Variants in KDELR1 observed in about 807,000 individuals in gnomAD.
KDELR1 encodes ER lumen protein-retaining receptor 1.
KDELR1 carries 16 observed loss-of-function variants against 25.5 expected under a neutral mutation model. The ratio of observed to expected loss-of-function variants is 0.63; its 90% CI spans 0.43 to 0.95. The LOEUF is 0.95. Ranked by LOEUF, KDELR1 falls within the 40% of genes least tolerant of loss-of-function variation. KDELR1 has a pLI of 0.00. For missense variants in KDELR1, 159 were observed against 265.2 expected, an observed-to-expected ratio of 0.60 and a Z score of 2.78; for synonymous variants, 121 against 115.0, an observed-to-expected ratio of 1.05 and a Z score of -0.33.
At chr19:48,396,611 AAGG>A in the KDELR1 span, among the ~76,000 whole-genome samples, 1 of 151,868 alleles carries the variant, frequency 6.6e-6, no homozygotes, top group Admixed American at 6.6e-5. Context: ...GGGCAATGGA[AAGG>A]AGGAGCGAAG....
intron 4 of KDELR1, among the ~76,000 whole-genome samples, chr19:48,383,836 C>G (rs1263239019): frequency 6.6e-6 from 1 of 152,090 alleles, no homozygotes; most frequent in Non-Finnish European, 1.5e-5. Flanking sequence ...TTCACCATCT[C>G]CCCCACCAGA....
Position 48,390,442 on chromosome 19 carries a change from G to C in KDELR1, c.174C>G (p.Leu58=), listed in dbSNP as rs745706110. 4.3e-6 allele frequency: 7 copies of C among 1,613,614 alleles called. No homozygotes were observed. Among genetic ancestry groups the C allele is most frequent in the Non-Finnish European group, 5.9e-6 (7 of 1,179,586 alleles). The part of the protein sequence containing the change: ...YLDLFTNYIS[L]YNTCMKVVYI... ...CCTCTACCTTCATACACGTGTTGTA[G>C]AGTGAGATGTAGTTGGTGAAGAGGT... is the stretch of plus-strand genomic sequence containing the variant. The change falls in exon 2 of 5, where the codon CTC becomes CTG. Residue 58 remains leucine (L), a synonymous_variant. Transcript: ENST00000330720.
In KDELR1 at chr19:48,390,803, C is replaced by T. The variant is rs2147424967; in HGVS notation, c.92-279G>A. On this transcript the variant is annotated intron_variant, in intron 1 of 4. Coordinates refer to ENST00000330720, the MANE Select transcript of KDELR1 (RefSeq NM_006801.3). Reference sequence around the variant, plus strand: ...AAGCTACTCCAGCCCGAGGCTCCGTCCCAGACTAGGCCTCATGGCTACCCC... The same window carrying T: ...AAGCTACTCCAGCCCGAGGCTCCGTTCCAGACTAGGCCTCATGGCTACCCC... The T allele has an allele frequency of 8.4e-6, 4 of 478,552 alleles. No individual in the cohort carries two copies. In the East Asian group the frequency reaches 1.6e-4, roughly 19 times the overall value. The allele number at this position is 478,552 out of a possible 1,614,324, so 29.6% of individuals were successfully genotyped here.
chr19:48,395,809 C>T (rs1243207516), upstream of KDELR1, among the ~76,000 whole-genome samples: 1 of 152,072 alleles, frequency 6.6e-6, no homozygotes, highest in Non-Finnish European at 1.5e-5. Flanking sequence ...AGGACAGGAG[C>T]CGGAACCCGG....
At position 48,382,715 on chromosome 19, in the gene KDELR1, A is replaced by T. The variant is rs927745942; in HGVS notation, c.*578T>A. ...CCGGGCCCCCCTAATTTGCCAAAAA[A>T]CCAGGAGAAGACCAAAAAATTCAAA... On this transcript the variant is annotated 3_prime_UTR_variant, in exon 5 of 5. Transcript: ENST00000330720. 3 of 153,198 alleles carry T rather than the reference A, an allele frequency of 2.0e-5. No individual in the cohort carries two copies. The highest frequency in any genetic ancestry group is 7.2e-5 in the African/African-American group (3 of 41,438). The allele number at this position is 153,198 out of a possible 1,614,324, so 9.5% of individuals were successfully genotyped here.
chr19:48,382,985 A>AGTGT lies in KDELR1; in HGVS notation c.*307_*308insACAC. The AGTGT allele has an allele frequency of 2.4e-6, 1 of 408,294 alleles. No homozygotes were observed. Among genetic ancestry groups the AGTGT allele is most frequent in the Non-Finnish European group, 4.5e-6 (1 of 223,816 alleles). The allele number at this position is 408,294 out of a possible 1,614,324, so 25.3% of individuals were successfully genotyped here. On this transcript the variant is annotated 3_prime_UTR_variant, in exon 5 of 5. Transcript: ENST00000330720. ...TGGACCCTGCCCCGGCCCATAGGAC[A>AGTGT]CTCAAAAACACTTTATAAAAATTGG...
intron 2 of KDELR1, chr19:48,390,059 ATCCAGGAGTCCAGG>A (rs1970531580): frequency 8.7e-5 from 24 of 276,582 alleles, no homozygotes; most frequent in Admixed American, 2.8e-4. Flanking sequence ...CCTCCCTCAG[ATCCAGGAGTCCAGG>A]CCCAGCCCCT....
intron 3 of KDELR1, among the ~76,000 whole-genome samples, chr19:48,386,271 C>T (rs1243657731): frequency 3.3e-5 from 5 of 151,824 alleles, no homozygotes; most frequent in African/African-American, 7.3e-5. Context: ...CTCACCACCA[C>T]GCCCTGCTAA....
In KDELR1 at chr19:48,389,603, G is replaced by A; in HGVS notation, c.301C>T (p.Pro101Ser). The A allele has an allele frequency of 1.2e-6, 2 of 1,614,136 alleles. No individual in the cohort carries two copies. Among genetic ancestry groups the A allele is most frequent in the South Asian group, 1.1e-5 (1 of 91,090 alleles). The change falls in exon 3 of 5, where the codon CCC becomes TCC. Residue 101 changes from proline to serine, a missense_variant. By Grantham distance (74) the Pro-to-Ser change is moderately conservative. Coordinates refer to ENST00000330720, the MANE Select transcript of KDELR1 (RefSeq NM_006801.3). ...ACCAGGAACGCCAGAATGGCTGTGGGAACGACCAGGAACTCCACTCTGAAC... is the reference window on the plus strand; with the variant it reads ...ACCAGGAACGCCAGAATGGCTGTGGAAACGACCAGGAACTCCACTCTGAAC... The part of the protein sequence containing the change: ...DTFRVEFLVV[P>S]TAILAFLVNH...
the KDELR1 span, among the ~76,000 whole-genome samples, chr19:48,396,981 G>A: frequency 1.3e-5 from 2 of 152,108 alleles, no homozygotes; most frequent in African/African-American, 2.4e-5. Context: ...CCAGGAGCCT[G>A]GCTCCCAGCC....
Position 48,383,100 on chromosome 19 carries a change from C to A in KDELR1, c.*193G>T. ...TTCTTGTCTAAAAGGCAAAAAACTA[C>A]AAACAGCCCAAGTCCTGAGCTCCCC... On this transcript the variant is annotated 3_prime_UTR_variant, in exon 5 of 5. Transcript: ENST00000330720. 1 of 593,066 alleles carries A rather than the reference C, an allele frequency of 1.7e-6. No individual in the cohort carries two copies. Among genetic ancestry groups the A allele is most frequent in the Non-Finnish European group, 3.0e-6 (1 of 336,836 alleles). The allele number at this position is 593,066 out of a possible 1,614,324, so 36.7% of individuals were successfully genotyped here. A position where few individuals can be genotyped will look rare whatever the true frequency, so the allele number is the denominator to read the frequency against.
At chr19:48,390,727 G>C in intron 1 of KDELR1, 3 of 548,582 alleles carry the variant, frequency 5.5e-6, no homozygotes, top group Non-Finnish European at 9.8e-6. Context: ...CGCCCCGCCT[G>C]AGCAGGGCCC....
At position 48,384,325 on chromosome 19, in the gene KDELR1, T is replaced by C; in HGVS notation, c.509A>G (p.Tyr170Cys). The C allele has an allele frequency of 1.9e-6, 3 of 1,614,204 alleles. No homozygotes were observed. Among genetic ancestry groups the C allele is most frequent in the African/African-American group, 1.3e-5 (1 of 75,054 alleles). The change falls in exon 4 of 5, where the codon TAC becomes TGC. Residue 170 changes from tyrosine to cysteine, a missense_variant. Physicochemically the swap from Tyr to Cys is radical, Grantham distance 194 (BLOSUM62 -2). Transcript: ENST00000330720. The surrounding 1 kb of genome is among the most constrained non-coding windows in gnomAD (Gnocchi z 4.6). ...TLYLFNWIWR[Y>C]HFEGFFDLIA... ...GAGGTCGAAGAAGCCCTCGAAATGGTAGCGCCAGATCCAGTTGAAGAGATA... is the reference window on the plus strand; with the variant it reads ...GAGGTCGAAGAAGCCCTCGAAATGGCAGCGCCAGATCCAGTTGAAGAGATA...
Position 48,382,692 on chromosome 19 carries a change from G to A in KDELR1, c.*601C>T, listed in dbSNP as rs116882936. On this transcript the variant is annotated 3_prime_UTR_variant, in exon 5 of 5. Transcript: ENST00000330720. Reference sequence around the variant, plus strand: ...AGCCCCCTTCCCGCACTTGAGCCCCGGGCCCCCCTAATTTGCCAAAAAACC... The same window carrying A: ...AGCCCCCTTCCCGCACTTGAGCCCCAGGCCCCCCTAATTTGCCAAAAAACC... The A allele has an allele frequency of 0.016, 2,481 of 153,030 alleles. 34 individuals are homozygous for A. Among genetic ancestry groups the A allele is most frequent in the Non-Finnish European group, 0.026 (1,765 of 68,502 alleles). 9.5% of individuals were successfully genotyped at this position (153,030 alleles called of 1,614,324 possible). A position where few individuals can be genotyped will look rare whatever the true frequency, so the allele number is the denominator to read the frequency against.
chr19:48,395,494 T>C (rs927690057), upstream of KDELR1, among the ~76,000 whole-genome samples: 44 of 151,190 alleles, frequency 2.9e-4, no homozygotes, highest in African/African-American at 1.1e-3. Context: ...AGACCGATGT[T>C]GTGTGTGTGT....
intron 3 of KDELR1, among the ~76,000 whole-genome samples, chr19:48,388,371 C>T (rs920614419): frequency 6.6e-6 from 1 of 152,126 alleles, no homozygotes; most frequent in Admixed American, 6.6e-5. Flanking sequence ...GTCACATGCA[C>T]GGGATCATGC....
chr19:48,393,831 G>A (rs1231191964), upstream of KDELR1, among the ~76,000 whole-genome samples: 1 of 152,038 alleles, frequency 6.6e-6, no homozygotes, highest in East Asian at 1.9e-4. This position sits in a 1 kb window ranked among gnomAD's most constrained non-coding sequence, Gnocchi z 5.6. Flanking sequence ...AGGTCGGCCC[G>A]GCCCCCAGGG....
intron 3 of KDELR1, among the ~76,000 whole-genome samples, chr19:48,388,945 A>AAAGAAAGG (rs1970519691): frequency 6.6e-6 from 1 of 151,438 alleles, no homozygotes; most frequent in African/African-American, 2.4e-5. Context: ...AGAAAGAAAG[A>AAAGAAAGG]AAAAAGAAAC....
the KDELR1 span, among the ~76,000 whole-genome samples, chr19:48,396,876 C>T: frequency 6.6e-6 from 1 of 152,090 alleles, no homozygotes; most frequent in Non-Finnish European, 1.5e-5. Context: ...TGGACCCTCA[C>T]CCCTTCTGGA....
Sources: allele counts gnomAD v4.1 joint callset (sites outside exome capture counted in the v4.1 genomes callset), GRCh38; gene constraint gnomAD v4.1.1; non-coding constraint Gnocchi (gnomAD v3.1); transcripts MANE v1.5; gene names NCBI Gene and HGNC (gene_info 2026-07-23, HGNC 2026-07-21).